Variants in NRXN2 observed in about 807,000 individuals in gnomAD.
NRXN2 encodes the protein neurexin 2, also known as neurexin-2-beta.
In NRXN2, 29 loss-of-function variants were observed where a neutral mutation model predicts 128.8. The ratio of observed to expected loss-of-function variants is 0.23; its 90% CI spans 0.17 to 0.31. The LOEUF is 0.31. Among genes scored for constraint, NRXN2 ranks in the 10% least tolerant of loss-of-function variants. The probability of loss-of-function intolerance (pLI) is 1.00; values close to 1 mark genes in which losing one functional copy is unlikely to be tolerated. For missense variants in NRXN2, 1,881 were observed against 2,452.6 expected, an observed-to-expected ratio of 0.77 and a Z score of 4.92; for synonymous variants, 1,098 against 1,075.2, an observed-to-expected ratio of 1.02 and a Z score of -0.41.
chr11:64,702,076 C>G, intron 2 of NRXN2, among the ~76,000 whole-genome samples: 1 of 146,082 alleles, frequency 6.8e-6, no homozygotes, highest in Non-Finnish European at 1.5e-5. Context: ...GCCGCCCCTA[C>G]TGGGAAGTGA....
chr11:64,718,501 G>T (rs1331701490), intron 1 of NRXN2, among the ~76,000 whole-genome samples: 1 of 152,200 alleles, frequency 6.6e-6, no homozygotes, highest in Non-Finnish European at 1.5e-5. Context: ...TGCGTGCTAT[G>T]GGGGGAGATT....
In NRXN2 at chr11:64,622,888, C is replaced by G. The variant is rs1161228421; in HGVS notation, c.4038G>C (p.Val1346=). 3 of 1,612,838 alleles carry G rather than the reference C, an allele frequency of 1.9e-6. No individual in the cohort carries two copies. In the Admixed American group the frequency reaches 5.0e-5, roughly 27 times the overall value. ...HLRLVGEGPS[V]LLSAETTATT... is the part of the protein sequence containing the mutation. ...TGGCCGTGGTCTCCGCACTGAGCAG[C>G]ACGGACGGCCCCTCCCCCACCAGGC... The change falls in exon 21 of 23, where the codon GTG becomes GTC. Residue 1346 remains valine (V), a synonymous_variant. Transcript: ENST00000265459. The surrounding 1 kb of genome is among the most constrained non-coding windows in gnomAD (Gnocchi z 4.3).
rs977532446 is a variant in NRXN2, at chr11:64,714,304, C to T, written c.-244-361G>A. ...TGAGCGAGGCCTGGGAACTCTCCTCCGCCTGGTGACCCCAGCCCCTTCTCT... is the reference window on the plus strand; with the variant it reads ...TGAGCGAGGCCTGGGAACTCTCCTCTGCCTGGTGACCCCAGCCCCTTCTCT... On this transcript the variant is annotated intron_variant, in intron 1 of 22. Coordinates refer to ENST00000265459, the MANE Select transcript of NRXN2 (RefSeq NM_015080.4). This position sits in a 1 kb window ranked among gnomAD's most constrained non-coding sequence, Gnocchi z 4.5. Among the ~76,000 whole-genome samples, 3 of 152,136 alleles carry T rather than the reference C, an allele frequency of 2.0e-5. No homozygotes were observed. The highest frequency in any genetic ancestry group is 7.2e-5 in the African/African-American group (3 of 41,398).
At position 64,630,914 on chromosome 11, in the gene NRXN2, G is replaced by C. The variant is rs1024594104; in HGVS notation, c.3586-341C>G. 1.1e-4 allele frequency among the ~76,000 whole-genome samples: 16 copies of C among 152,326 alleles called. No homozygotes were observed. The highest frequency in any genetic ancestry group is 1.9e-4 in the Non-Finnish European group (13 of 68,020). ...GACAGGGGTGATCGGGCCAAGCTGGGGACCAGCTCGGGGCATGGAGGGCAG... is the reference window on the plus strand; with the variant it reads ...GACAGGGGTGATCGGGCCAAGCTGGCGACCAGCTCGGGGCATGGAGGGCAG... On this transcript the variant is annotated intron_variant, in intron 18 of 22. Coordinates refer to ENST00000265459, the MANE Select transcript of NRXN2 (RefSeq NM_015080.4). This position sits in a 1 kb window ranked among gnomAD's most constrained non-coding sequence, Gnocchi z 4.6.
At chr11:64,616,774 A>C (rs2041594476) in intron 22 of NRXN2, among the ~76,000 whole-genome samples, 1 of 152,096 alleles carries the variant, frequency 6.6e-6, no homozygotes, top group South Asian at 2.1e-4. Context: ...AGTGGGTCTG[A>C]ACATGCATGC....
At chr11:64,613,787 C>T (rs1565179048) in intron 22 of NRXN2, among the ~76,000 whole-genome samples, 1 of 152,148 alleles carries the variant, frequency 6.6e-6, no homozygotes, top group East Asian at 1.9e-4. Context: ...ATGGATGTCA[C>T]GATAACACAA....
At chr11:64,620,565 T>C (rs1351944511) in intron 21 of NRXN2, among the ~76,000 whole-genome samples, 193 bp from the exon 22 acceptor site, 3 of 151,568 alleles carry the variant, frequency 2.0e-5, no homozygotes, top group Admixed American at 6.6e-5. Context: ...CACAGGGAAC[T>C]CCCCAGCAAC....
At chr11:64,656,128 G>A in intron 11 of NRXN2, 1 of 152,354 alleles carries the variant, frequency 6.6e-6, no homozygotes, top group Non-Finnish European at 1.5e-5. Context: ...GTTGGAGACA[G>A]TGGGCCCAAG....
intron 7 of NRXN2, among the ~76,000 whole-genome samples, chr11:64,674,062 G>A (rs1433575714): frequency 1.3e-5 from 2 of 151,162 alleles, no homozygotes; most frequent in South Asian, 2.1e-4. Context: ...AAAAGCAGGC[G>A]GTGGGGAGGT....
chr11:64,645,189 C>T lies in NRXN2; in HGVS notation c.3403+3030G>A, dbSNP rs2046452282. On this transcript the variant is annotated intron_variant, in intron 17 of 22. Coordinates refer to ENST00000265459, the MANE Select transcript of NRXN2 (RefSeq NM_015080.4). ...TGGGCCCCTGGATCTGGAATATAGA[C>T]TGACACAGCTCTGAGCAGGCAGAAA... Among the ~76,000 whole-genome samples the T allele has an allele frequency of 1.3e-5, 2 of 152,140 alleles. 1 individual carries two copies. Among genetic ancestry groups the T allele is most frequent in the South Asian group, 4.1e-4 (2 of 4,824 alleles).
chr11:64,612,626 C>A (rs919340322), intron 22 of NRXN2, among the ~76,000 whole-genome samples: 5 of 152,240 alleles, frequency 3.3e-5, no homozygotes, highest in Non-Finnish European at 7.3e-5. Context: ...ACAAAGTTAG[C>A]CCCCTTCTGC....
chr11:64,692,894 GAGAA>G lies in NRXN2; in HGVS notation c.749-22_749-19del, dbSNP rs747869641. 4.3e-5 allele frequency: 68 copies of G among 1,595,830 alleles called. No homozygotes were observed. Among genetic ancestry groups the G allele is most frequent in the Middle Eastern group, 1.7e-4 (1 of 6,054 alleles). ...AGCCGGACCTTGGAAAGGGGAAGGA[GAGAA>G]AGAAAGAAAGAAAAAAAGAAGAAGA... On this transcript the variant is annotated intron_variant, in intron 3 of 22. Coordinates refer to ENST00000265459, the MANE Select transcript of NRXN2 (RefSeq NM_015080.4).
At chr11:64,642,856 G>C in intron 17 of NRXN2, 2 of 1,055,506 alleles carry the variant, frequency 1.9e-6, no homozygotes, top group Non-Finnish European at 2.3e-6. Context: ...CGGGGACGCG[G>C]GGCTGCGCAG....
At chr11:64,652,760 G>A (rs971479932) in intron 12 of NRXN2, among the ~76,000 whole-genome samples, 2 of 152,062 alleles carry the variant, frequency 1.3e-5, no homozygotes, top group African/African-American at 2.4e-5. Flanking sequence ...GCCACCACAC[G>A]TACTGCCCAT....
chr11:64,702,945 C>T (rs2055699947), intron 2 of NRXN2, among the ~76,000 whole-genome samples: 1 of 130,394 alleles, frequency 7.7e-6, no homozygotes, highest in Non-Finnish European at 1.6e-5. Context: ...GCTATGATCA[C>T]ACCACTGCAC....
At chr11:64,679,505 C>T (rs962869873) in intron 6 of NRXN2, among the ~76,000 whole-genome samples, 8 of 152,016 alleles carry the variant, frequency 5.3e-5, no homozygotes, top group South Asian at 2.1e-4. Context: ...GGCGTGGTGG[C>T]GGGCGCCCGT....
Position 64,668,551 on chromosome 11 carries a change from ATCC to A in NRXN2, c.1248_1250del (p.Glu416del). On this transcript the variant is annotated inframe_deletion, in exon 8 of 23. Coordinates refer to ENST00000265459, the MANE Select transcript of NRXN2 (RefSeq NM_015080.4). ...AGTCATCAGAGCCCAGCATGGTGTA[ATCC>A]TCCTGCGTGTAGCCTGTGGTGGTCA... 6.2e-7 allele frequency: 1 copy of A among 1,613,914 alleles called. No homozygotes were observed. The highest frequency in any genetic ancestry group is 8.5e-7 in the Non-Finnish European group (1 of 1,179,976).
intron 7 of NRXN2, among the ~76,000 whole-genome samples, chr11:64,668,860 G>T (rs1052477717): frequency 6.6e-6 from 1 of 152,178 alleles, no homozygotes; most frequent in Non-Finnish European, 1.5e-5. Flanking sequence ...GGAGCCTGAA[G>T]GGTACTTGGA....
At position 64,607,752 on chromosome 11, in the gene NRXN2, G is replaced by T; in HGVS notation, c.4583C>A (p.Ser1528Ter). The change falls in exon 23 of 23, where the codon TCA (serine) becomes TAA (stop). Residue 1528 changes from serine to a stop codon, truncating the protein, a stop_gained. Coordinates refer to ENST00000265459, the MANE Select transcript of NRXN2 (RefSeq NM_015080.4). LOFTEE classifies it low-confidence loss of function (END_TRUNC). ...GGGCCGGGGAGCGGGTTTGCGGGGT[G>T]ACAGGAGGGTGGTGCGGTCCGTGAC... ...PLVTDRTTLL[S>*]PRKPAPRPNL... The T allele has an allele frequency of 1.3e-6, 2 of 1,581,750 alleles. No homozygotes were observed. The highest frequency in any genetic ancestry group is 8.6e-7 in the Non-Finnish European group (1 of 1,164,250).
Sources: allele counts gnomAD v4.1 joint callset (sites outside exome capture counted in the v4.1 genomes callset), GRCh38; gene constraint gnomAD v4.1.1; non-coding constraint Gnocchi (gnomAD v3.1); transcripts MANE v1.5; gene names NCBI Gene and HGNC (gene_info 2026-07-23, HGNC 2026-07-21).